Variants in CRYBG3 observed in about 807,000 individuals in gnomAD.
CRYBG3 encodes the protein crystallin beta-gamma domain containing 3.
In CRYBG3, 127 loss-of-function variants were observed where a neutral mutation model predicts 244.2. The observed-to-expected ratio is 0.52, with a 90% CI of 0.45 to 0.60. The LOEUF is 0.60. CRYBG3 is among the 20% of genes least tolerant of loss of function. The pLI, the probability that CRYBG3 is intolerant of heterozygous loss-of-function variation, is 0.00. For missense variants in CRYBG3, 3,325 were observed against 3,442.5 expected (o/e 0.97, Z 0.85); for synonymous variants, 1,132 against 1,195.8 (o/e 0.95, Z 1.10).
chr3:97,921,015 C>T (rs1575966924), intron 17 of CRYBG3, among the ~76,000 whole-genome samples: 1 of 152,198 alleles, frequency 6.6e-6, no homozygotes, highest in Non-Finnish European at 1.5e-5. Context: ...AAAGCCCAGA[C>T]CATGACATTA....
intron 2 of CRYBG3, among the ~76,000 whole-genome samples, chr3:97,863,784 G>T (rs2108203227): frequency 6.6e-6 from 1 of 152,120 alleles, no homozygotes; most frequent in East Asian, 1.9e-4. Context: ...TCTCACTCTT[G>T]TCATTTTCGT....
intron 15 of CRYBG3, among the ~76,000 whole-genome samples, chr3:97,911,758 T>A (rs1221631666): frequency 1.3e-5 from 2 of 152,230 alleles, no homozygotes; most frequent in Non-Finnish European, 2.9e-5. Flanking sequence ...CATACTAATC[T>A]AAGCCTCTTT....
rs2040182860 is a variant in CRYBG3, at chr3:97,937,976, C to T, written c.8505+1068C>T. On this transcript the variant is annotated intron_variant, in intron 19 of 21. Coordinates refer to ENST00000389622, the MANE Select transcript of CRYBG3 (RefSeq NM_153605.4). Reference sequence around the variant, plus strand: ...TAATTATCCAAAAGCCACAGGCAGTCCCTGGTTCAGAGAAAGGAAGTATCA... The same window carrying T: ...TAATTATCCAAAAGCCACAGGCAGTTCCTGGTTCAGAGAAAGGAAGTATCA... Among the ~76,000 whole-genome samples the T allele has an allele frequency of 2.0e-5, 3 of 152,012 alleles. No individual in the cohort carries two copies. The South Asian group carries it at 6.2e-4, about 32-fold the overall frequency.
In CRYBG3 at chr3:97,941,248, C is replaced by T; in HGVS notation, c.8606C>T (p.Pro2869Leu). Residue 2869 changes from proline (P) to leucine (L), a missense_variant, in exon 20 of 22, where the codon CCC becomes CTC. Physicochemically the swap from Pro to Leu is moderately conservative, Grantham distance 98. Transcript: ENST00000389622. ...AGGGCAACATCTGTGTGCATTTCTC[C>T]CTATAGTGGAAAGAATACTCAGATC... ...DTRATSVCIS[P>L]YSGKNTQIWY... 6.2e-7 allele frequency: 1 copy of T among 1,611,226 alleles called. No homozygotes were observed. Among genetic ancestry groups the T allele is most frequent in the Non-Finnish European group, 8.5e-7 (1 of 1,177,986 alleles).
At chr3:97,832,907 T>C (rs138659389) in intron 1 of CRYBG3, among the ~76,000 whole-genome samples, 120 of 152,074 alleles carry the variant, frequency 7.9e-4, no homozygotes, top group African/African-American at 2.8e-3. Flanking sequence ...GCACAAAGGA[T>C]ATGAAGAGAC....
At chr3:97,916,560 T>A (rs1384385566) in intron 17 of CRYBG3, among the ~76,000 whole-genome samples, 1 of 152,094 alleles carries the variant, frequency 6.6e-6, no homozygotes, top group Non-Finnish European at 1.5e-5. Flanking sequence ...GACAATTCCT[T>A]GGGGATATGT....
At chr3:97,917,050 A>G (rs940271677) in intron 17 of CRYBG3, among the ~76,000 whole-genome samples, 3 of 152,194 alleles carry the variant, frequency 2.0e-5, no homozygotes, top group Non-Finnish European at 4.4e-5. Flanking sequence ...AAAGCAAAAG[A>G]TAGAGGTCTA....
At chr3:97,942,565 C>T (rs976094562) in intron 21 of CRYBG3, 122 bp downstream of exon 21, 8 of 950,250 alleles carry the variant, frequency 8.4e-6, no homozygotes, top group Admixed American at 2.7e-5. Flanking sequence ...TAAAATTATG[C>T]TTGAAGAAAA....
intron 15 of CRYBG3, among the ~76,000 whole-genome samples, chr3:97,904,722 CT>C (rs920921185): frequency 2.2e-4 from 31 of 142,248 alleles, no homozygotes; most frequent in Middle Eastern, 3.5e-3. Flanking sequence ...GTTTCTGAGT[CT>C]TTTTTTTATA....
intron 18 of CRYBG3, among the ~76,000 whole-genome samples, chr3:97,936,553 T>C (rs2040165771): frequency 6.6e-6 from 1 of 152,066 alleles, no homozygotes; most frequent in Non-Finnish European, 1.5e-5. Flanking sequence ...AAACCTTGCA[T>C]TCATTTTGGA....
At position 97,839,369 on chromosome 3, in the gene CRYBG3, T is replaced by C. The variant is rs569932809; in HGVS notation, c.150-3826T>C. 6.6e-5 allele frequency among the ~76,000 whole-genome samples: 10 copies of C among 152,272 alleles called. No individual in the cohort carries two copies. In the East Asian group the frequency reaches 1.2e-3, roughly 18 times the overall value. ...TCTGAGTATTCACTGTTTTTGAGTA[T>C]ATGTAGCTACTGTGTTCTCATTTTT... On this transcript the variant is annotated intron_variant, in intron 1 of 21. Coordinates refer to ENST00000389622, the MANE Select transcript of CRYBG3 (RefSeq NM_153605.4).
chr3:97,933,589 C>A (rs1288583711), intron 17 of CRYBG3, 105 bp from the exon 18 acceptor site: 2 of 1,091,906 alleles, frequency 1.8e-6, no homozygotes, highest in African/African-American at 3.1e-5. Context: ...ACAGTAAACT[C>A]CATGCATTTA....
chr3:97,860,897 G>T (rs2039136397), intron 2 of CRYBG3, among the ~76,000 whole-genome samples: 1 of 150,590 alleles, frequency 6.6e-6, no homozygotes, highest in East Asian at 2.0e-4. Flanking sequence ...TTCTTAAATT[G>T]TGCCTCTGTT....
chr3:97,874,107 G>C lies in CRYBG3; in HGVS notation c.2913G>C (p.Leu971Phe), dbSNP rs1203042152. 1 of 1,535,364 alleles carries C rather than the reference G, an allele frequency of 6.5e-7. No individual in the cohort carries two copies. The highest frequency in any genetic ancestry group is 2.4e-5 in the East Asian group (1 of 40,904). The change falls in exon 4 of 22, where the codon TTG (leucine) becomes TTC (phenylalanine). Residue 971 changes from leucine (L) to phenylalanine (F), a missense_variant. By Grantham distance (22) the Leu-to-Phe change is conservative. Transcript: ENST00000389622. ...ACACTTGTGTGTTTCATCAATCTTT[G>C]GATATTTGTGGGACTAAAAAGATTT... is the stretch of plus-strand genomic sequence containing the variant. ...EAHTCVFHQSLDICGTKKISG... is the reference protein window; with the variant it reads ...EAHTCVFHQSFDICGTKKISG...
chr3:97,828,366 G>A (rs36069347), intron 1 of CRYBG3, among the ~76,000 whole-genome samples: 69,699 of 151,898 alleles, frequency 0.46, 16,814 homozygotes, highest in East Asian at 0.67. Context: ...TTGCAGCATT[G>A]TTTTAATAGC....
At chr3:97,939,207 A>C (rs574536680) in intron 19 of CRYBG3, among the ~76,000 whole-genome samples, 1 of 152,012 alleles carries the variant, frequency 6.6e-6, no homozygotes, top group South Asian at 2.1e-4. Context: ...TAACAAGAAT[A>C]GTATGCTATT....
chr3:97,849,513 C>T (rs1339589800), intron 2 of CRYBG3, among the ~76,000 whole-genome samples: 1 of 151,924 alleles, frequency 6.6e-6, no homozygotes, highest in East Asian at 1.9e-4. Context: ...GTCCAGTTGA[C>T]CAAATGGACT....
At chr3:97,884,805 T>C (rs2039488593) in intron 7 of CRYBG3, among the ~76,000 whole-genome samples, 1 of 152,134 alleles carries the variant, frequency 6.6e-6, no homozygotes, top group South Asian at 2.1e-4. Flanking sequence ...AGCAAACATA[T>C]GCCTTCTCAT....
chr3:97,864,674 A>C (rs2039200566), intron 3 of CRYBG3, 27 bp downstream of exon 3: 1 of 1,477,448 alleles, frequency 6.8e-7, no homozygotes, highest in South Asian at 1.3e-5. Context: ...ATTGAACCAA[A>C]AAAAATTGAG....
Sources: allele counts gnomAD v4.1 joint callset (sites outside exome capture counted in the v4.1 genomes callset), GRCh38; gene constraint gnomAD v4.1.1; transcripts MANE v1.5; gene names NCBI Gene and HGNC (gene_info 2026-07-23, HGNC 2026-07-21).